CACNA1I: variants seen among roughly 807,000 people sequenced by gnomAD.
CACNA1I encodes the protein calcium voltage-gated channel subunit alpha1 I.
Under a neutral mutation model 201.6 loss-of-function variants are expected in CACNA1I, and 74 were observed. The observed-to-expected ratio is 0.37, with a 90% CI of 0.30 to 0.45. The LOEUF is 0.45. CACNA1I is among the 20% of genes least tolerant of loss of function. The probability of loss-of-function intolerance (pLI) is 1.00; values close to 1 mark genes in which losing one functional copy is unlikely to be tolerated. For synonymous variants in CACNA1I, 1,431 were observed against 1,345.2 expected, an observed-to-expected ratio of 1.06 and a Z score of -1.40; for missense variants, 2,346 against 3,138.1, an observed-to-expected ratio of 0.75 and a Z score of 6.03.
intron 3 of CACNA1I, among the ~76,000 whole-genome samples, chr22:39,614,644 G>T (rs1166349450): frequency 1.3e-5 from 2 of 152,212 alleles, no homozygotes; most frequent in African/African-American, 2.4e-5. Flanking sequence ...TGGCCCAGCT[G>T]GGGGCATGGG....
rs776814736 is a variant in CACNA1I at position 39,648,490 on chromosome 22, T to C, written c.1567+564T>C. Among the ~76,000 whole-genome samples the C allele has an allele frequency of 6.6e-6, 1 of 151,968 alleles. No homozygotes were observed. The highest frequency in any genetic ancestry group is 1.5e-5 in the Non-Finnish European group (1 of 67,956). The stretch of plus-strand genomic sequence containing the variant: ...TCGCCCCACGTCCAGGTGGGAGCAG[T>C]GAGCCGGCGCTGGGAAGGGCTTTGG... On this transcript the variant is annotated intron_variant, in intron 9 of 36. Coordinates refer to ENST00000402142, the MANE Select transcript of CACNA1I (RefSeq NM_021096.4). The surrounding 1 kb of genome is among the most constrained non-coding windows in gnomAD (Gnocchi z 5.4).
intron 8 of CACNA1I, among the ~76,000 whole-genome samples, chr22:39,647,228 T>TC (rs1240067906): frequency 1.3e-5 from 2 of 151,798 alleles, no homozygotes; most frequent in Non-Finnish European, 1.5e-5. Flanking sequence ...CTAAAATTCT[T>TC]CCCCCCCACT....
Position 39,684,520 on chromosome 22 carries a change from T to G in CACNA1I, c.6027+22T>G. On this transcript the variant is annotated intron_variant, in intron 36 of 36. Transcript: ENST00000402142. The surrounding 1 kb of genome is among the most constrained non-coding windows in gnomAD (Gnocchi z 4.6). Reference sequence around the variant, plus strand: ...GCAGGTACCGACACCTCCCAGGCCCTAGAGCACTGGTCTGTGGGCAAGGGG... The same window carrying G: ...GCAGGTACCGACACCTCCCAGGCCCGAGAGCACTGGTCTGTGGGCAAGGGG... 1 of 1,605,382 alleles carries G rather than the reference T, an allele frequency of 6.2e-7. No homozygotes were observed. The highest frequency in any genetic ancestry group is 1.3e-5 in the African/African-American group (1 of 74,882).
At chr22:39,661,368 G>C in intron 16 of CACNA1I, 58 bp downstream of exon 16, 3 of 1,306,804 alleles carry the variant, frequency 2.3e-6, no homozygotes, top group Admixed American at 2.7e-5. Context: ...GTGTGGAGGG[G>C]CCCTGAAGAG....
At position 39,665,946 on chromosome 22, in the gene CACNA1I, C is replaced by T; in HGVS notation, c.4044C>T (p.Asp1348=). The part of the protein sequence containing the change: ...VDTRNITNRS[D]CMAANYRWVH... ...CCCGCAACATCACCAACCGCTCGGACTGCATGGCCGCCAACTACCGCTGGG... is the reference window on the plus strand; with the variant it reads ...CCCGCAACATCACCAACCGCTCGGATTGCATGGCCGCCAACTACCGCTGGG... The change falls in exon 23 of 37, where the codon GAC becomes GAT. Residue 1348 remains aspartate, a synonymous_variant. Coordinates refer to ENST00000402142, the MANE Select transcript of CACNA1I (RefSeq NM_021096.4). The surrounding 1 kb of genome is among the most constrained non-coding windows in gnomAD (Gnocchi z 5.5). 1 of 1,613,872 alleles carries T rather than the reference C, an allele frequency of 6.2e-7. No individual in the cohort carries two copies.
At position 39,665,016 on chromosome 22, in the gene CACNA1I, C is replaced by T; in HGVS notation, c.3851+93C>T. 1 of 1,205,774 alleles carries T rather than the reference C, an allele frequency of 8.3e-7. No individual in the cohort carries two copies. Among genetic ancestry groups the T allele is most frequent in the Non-Finnish European group, 1.2e-6 (1 of 854,010 alleles). 74.7% of individuals were successfully genotyped at this position (1,205,774 alleles called of 1,614,324 possible). Reference sequence around the variant, plus strand: ...TGGGCCCTCACTCCGCCCTCCCCGCCCGCCCACTCGGTCCTCCAATAGTGA... The same window carrying T: ...TGGGCCCTCACTCCGCCCTCCCCGCTCGCCCACTCGGTCCTCCAATAGTGA... On this transcript the variant is annotated intron_variant, in intron 21 of 36. Coordinates refer to ENST00000402142, the MANE Select transcript of CACNA1I (RefSeq NM_021096.4). The surrounding 1 kb of genome is among the most constrained non-coding windows in gnomAD (Gnocchi z 5.5).
chr22:39,646,437 ATCTCCCCATCTCCCTCTGCCTCCC>A, intron 7 of CACNA1I, 108 bp from the exon 8 acceptor site: 1 of 1,354,920 alleles, frequency 7.4e-7, no homozygotes, highest in African/African-American at 1.5e-5. Context: ...CTCCATCTCC[ATCTCCCCATCTCCCTCTGCCTCCC>A]TCTCCCCATG....
chr22:39,613,841 CTT>C (rs58159998), intron 3 of CACNA1I, among the ~76,000 whole-genome samples: 170 of 146,534 alleles, frequency 1.2e-3, no homozygotes, highest in Middle Eastern at 3.5e-3. Flanking sequence ...TGGATCCCTT[CTT>C]TTTTTTTTTT....
intron 3 of CACNA1I, among the ~76,000 whole-genome samples, chr22:39,612,568 C>G (rs1933415599): frequency 6.6e-6 from 1 of 152,080 alleles, no homozygotes; most frequent in Non-Finnish European, 1.5e-5. Flanking sequence ...CACTTGAGTC[C>G]TCACGTGAAG....
rs1934555192 is a variant in CACNA1I, at chr22:39,648,422, G to A, written c.1567+496G>A. 6.6e-6 allele frequency among the ~76,000 whole-genome samples: 1 copy of A among 152,104 alleles called. No individual in the cohort carries two copies. The highest frequency in any genetic ancestry group is 1.5e-5 in the Non-Finnish European group (1 of 68,028). ...CCTCTCCTGGCACTCTTGCCCCCTT[G>A]CCCCTGGGCCTCCCCTCTGCCCTGG... On this transcript the variant is annotated intron_variant, in intron 9 of 36. Transcript: ENST00000402142. The surrounding 1 kb of genome is among the most constrained non-coding windows in gnomAD (Gnocchi z 5.4).
At chr22:39,603,291 T>C (rs1933121485) in intron 3 of CACNA1I, among the ~76,000 whole-genome samples, 1 of 152,242 alleles carries the variant, frequency 6.6e-6, no homozygotes, top group Non-Finnish European at 1.5e-5. Context: ...CTATCTTTTG[T>C]CCATGCCTTT....
intron 31 of CACNA1I, 34 bp from the exon 32 acceptor site, chr22:39,679,073 C>T (rs762670135): frequency 1.2e-5 from 18 of 1,510,658 alleles, no homozygotes; most frequent in Middle Eastern, 3.5e-4. Context: ...GGGATGTCTC[C>T]GTCCTCATCC....
intron 1 of CACNA1I, among the ~76,000 whole-genome samples, chr22:39,591,794 A>G (rs1371451545): frequency 2.0e-5 from 3 of 152,162 alleles, no homozygotes; most frequent in Non-Finnish European, 4.4e-5. Context: ...TCCTGACCTC[A>G]GGTGATCTGC....
Position 39,642,787 on chromosome 22 carries a change from C to T in CACNA1I, c.1057-10C>T, listed in dbSNP as rs372816192. On this transcript the variant is annotated splice_polypyrimidine_tract_variant and intron_variant, in intron 6 of 36. Transcript: ENST00000402142. ...AGTCCTCTCGGCTCTCTCTCCTCTG[C>T]GCGCTGCAGGTGATCACTCTGGAAG... is the stretch of plus-strand genomic sequence containing the variant. 3.7e-5 allele frequency: 59 copies of T among 1,597,476 alleles called. No individual in the cohort carries two copies. The highest frequency in any genetic ancestry group is 2.7e-4 in the African/African-American group (20 of 74,602).
At chr22:39,575,855 A>G (rs1932328931) in intron 1 of CACNA1I, among the ~76,000 whole-genome samples, 1 of 151,760 alleles carries the variant, frequency 6.6e-6, no homozygotes, top group East Asian at 1.9e-4. Context: ...GCTCACTGCA[A>G]CCTCTGCCTC....
rs185182468 is a variant in CACNA1I, at chr22:39,634,817, G to A, written c.740+93G>A. On this transcript the variant is annotated intron_variant, in intron 5 of 36. Transcript: ENST00000402142. ...GGTCATTGGGAATCAGGACCAATGG[G>A]GTAGAAGCAGCAAAAAAAGAGAGGT... 196 of 1,248,846 alleles carry A rather than the reference G, an allele frequency of 1.6e-4. 1 individual carries two copies. In the African/African-American group the frequency reaches 2.5e-3, roughly 16 times the overall value. The allele number at this position is 1,248,846 out of a possible 1,614,324, so 77.4% of individuals were successfully genotyped here.
intron 3 of CACNA1I, among the ~76,000 whole-genome samples, chr22:39,618,372 A>G (rs1029585963): frequency 3.5e-5 from 4 of 113,002 alleles, no homozygotes; most frequent in African/African-American, 1.4e-4. Flanking sequence ...TGCGTGTGTG[A>G]CTGTGTGCAT....
At chr22:39,593,680 G>A (rs1036345447) in intron 1 of CACNA1I, among the ~76,000 whole-genome samples, 1 of 152,096 alleles carries the variant, frequency 6.6e-6, no homozygotes, top group African/African-American at 2.4e-5. Flanking sequence ...CAGGAGAGAG[G>A]CATCTGGAGA....
rs1361198474 is a variant in CACNA1I, at chr22:39,629,634, A to G, written c.581-4931A>G. Among the ~76,000 whole-genome samples the G allele has an allele frequency of 6.6e-6, 1 of 152,098 alleles. No homozygotes were observed. The highest frequency in any genetic ancestry group is 2.4e-5 in the African/African-American group (1 of 41,400). On this transcript the variant is annotated intron_variant, in intron 4 of 36. Coordinates refer to ENST00000402142, the MANE Select transcript of CACNA1I (RefSeq NM_021096.4). The surrounding 1 kb of genome is among the most constrained non-coding windows in gnomAD (Gnocchi z 4.8). ...GAGGGCCCAGTGTCTGGCCTGGGCC[A>G]TCTCAACAGTGAGGGCACAGAGCAG...
Sources: gnomAD v4.1 joint callset for allele counts (sites outside exome capture counted in the v4.1 genomes callset) on GRCh38, gnomAD v4.1.1 for gene constraint, Gnocchi (gnomAD v3.1) non-coding constraint, MANE v1.5 for transcripts, NCBI Gene and HGNC (gene_info 2026-07-23, HGNC 2026-07-21) for gene names.